ROBO1: variants seen among roughly 807,000 people sequenced by gnomAD.
The protein encoded by ROBO1 is roundabout guidance receptor 1.
ROBO1 carries 149 observed loss-of-function variants against 195.9 expected under a neutral mutation model. That is an observed-to-expected ratio of 0.76 (90% CI 0.67 to 0.87). The LOEUF (loss-of-function observed/expected upper bound fraction) is 0.87, where lower values mean the gene tolerates loss of function less well. Ranked by LOEUF, ROBO1 falls within the 40% of genes least tolerant of loss-of-function variation. ROBO1 has a pLI of 0.00. For synonymous variants in ROBO1, 816 were observed against 733.2 expected (o/e 1.11, Z -1.82); for missense variants, 1,933 against 2,068.3 (o/e 0.93, Z 1.27).
At chr3:79,213,139 G>C (rs115481071) in intron 2 of ROBO1, among the ~76,000 whole-genome samples, 2,344 of 152,060 alleles carry the variant, frequency 0.015, 53 homozygotes, top group African/African-American at 0.054. Context: ...AGCTACACTG[G>C]AGGCTGAGGC....
At chr3:78,963,019 GT>G in intron 3 of ROBO1, among the ~76,000 whole-genome samples, 1 of 151,662 alleles carries the variant, frequency 6.6e-6, no homozygotes, top group Non-Finnish European at 1.5e-5. Context: ...CAGGCACTCG[GT>G]GTTGAGCATG....
intron 5 of ROBO1, among the ~76,000 whole-genome samples, chr3:78,725,687 T>C (rs952718071): frequency 1.3e-5 from 2 of 152,164 alleles, no homozygotes; most frequent in Non-Finnish European, 2.9e-5. Context: ...AGAAACAAAA[T>C]TTAACTTTGC....
intron 1 of ROBO1, among the ~76,000 whole-genome samples, chr3:79,761,749 C>T (rs1005907546): frequency 3.3e-5 from 5 of 152,122 alleles, no homozygotes; most frequent in Admixed American, 2.0e-4. Context: ...TTCTCTGAAG[C>T]ACGGTAATCT....
At chr3:78,843,869 T>C (rs898654490) in intron 4 of ROBO1, among the ~76,000 whole-genome samples, 3 of 152,092 alleles carry the variant, frequency 2.0e-5, no homozygotes, top group African/African-American at 7.2e-5. Context: ...TGAAATAAGC[T>C]GAACAAAAGT....
chr3:78,600,643 G>A (rs1703119105), intron 29 of ROBO1, among the ~76,000 whole-genome samples: 1 of 152,054 alleles, frequency 6.6e-6, no homozygotes, highest in African/African-American at 2.4e-5. Context: ...TTCACTATAT[G>A]ATCTCAGATT....
chr3:79,271,428 G>A (rs2030547998), intron 2 of ROBO1, among the ~76,000 whole-genome samples: 1 of 151,988 alleles, frequency 6.6e-6, no homozygotes, highest in Non-Finnish European at 1.5e-5. Flanking sequence ...ACTAGTGGTT[G>A]AAGCTCTTTG....
intron 2 of ROBO1, among the ~76,000 whole-genome samples, chr3:79,276,839 T>C (rs2031076269): frequency 1.3e-5 from 2 of 152,016 alleles, no homozygotes; most frequent in South Asian, 4.1e-4. Context: ...AAAGAAGACA[T>C]ACAAATGGCA....
At chr3:79,685,479 C>T (rs1307304598) in intron 1 of ROBO1, among the ~76,000 whole-genome samples, 1 of 152,164 alleles carries the variant, frequency 6.6e-6, no homozygotes, top group Non-Finnish European at 1.5e-5. Context: ...CAATGGCTAT[C>T]ACTGCCTAGG....
chr3:79,214,037 G>A (rs1399011387), intron 2 of ROBO1, among the ~76,000 whole-genome samples: 3 of 151,786 alleles, frequency 2.0e-5, no homozygotes, highest in Non-Finnish European at 2.9e-5. Flanking sequence ...TGTTGGCCTG[G>A]CTGGTCTCGA....
intron 3 of ROBO1, among the ~76,000 whole-genome samples, chr3:79,024,652 T>C (rs748595386): frequency 5.9e-5 from 9 of 152,168 alleles, no homozygotes; most frequent in Non-Finnish European, 8.8e-5. Flanking sequence ...CAGATGAGCA[T>C]TGTGAGTCCC....
chr3:79,643,828 G>C (rs956540478), intron 1 of ROBO1, among the ~76,000 whole-genome samples: 2 of 151,964 alleles, frequency 1.3e-5, no homozygotes, highest in African/African-American at 2.4e-5. Flanking sequence ...GAAGAGAGGA[G>C]GCATGCACAA....
intron 1 of ROBO1, among the ~76,000 whole-genome samples, chr3:79,651,106 C>T (rs1435211912): frequency 3.3e-5 from 5 of 151,728 alleles, no homozygotes; most frequent in Non-Finnish European, 7.4e-5. Context: ...TATTAAATAA[C>T]ATGCAAACAC....
At chr3:79,748,301 G>A (rs919441832) in intron 1 of ROBO1, among the ~76,000 whole-genome samples, 3 of 152,108 alleles carry the variant, frequency 2.0e-5, no homozygotes, top group Non-Finnish European at 4.4e-5. Context: ...ATGAACAAAA[G>A]GGACGCTTGT....
chr3:79,094,217 C>T (rs1339348009), intron 3 of ROBO1, among the ~76,000 whole-genome samples: 1 of 152,026 alleles, frequency 6.6e-6, no homozygotes, highest in Non-Finnish European at 1.5e-5. Flanking sequence ...TATGACCGAA[C>T]ATCTTCTGAT....
intron 2 of ROBO1, among the ~76,000 whole-genome samples, chr3:79,178,449 A>C (rs1423858358): frequency 2.0e-5 from 3 of 152,228 alleles, no homozygotes; most frequent in Non-Finnish European, 4.4e-5. Flanking sequence ...TTTGATTAAC[A>C]TGCTTATTTT....
chr3:79,360,845 ACT>A (rs1457572994), intron 2 of ROBO1, among the ~76,000 whole-genome samples: 1 of 151,840 alleles, frequency 6.6e-6, no homozygotes, highest in African/African-American at 2.4e-5. Context: ...CTTTAATCAA[ACT>A]CTCTGAGGAC....
At chr3:79,220,453 G>A (rs1156679834) in intron 2 of ROBO1, among the ~76,000 whole-genome samples, 1 of 152,002 alleles carries the variant, frequency 6.6e-6, no homozygotes, top group East Asian at 1.9e-4. Flanking sequence ...TTAAACAGCT[G>A]AAATATCCAT....
intron 2 of ROBO1, among the ~76,000 whole-genome samples, chr3:79,127,876 A>C (rs1183380174): frequency 1.3e-5 from 2 of 152,190 alleles, no homozygotes; most frequent in Admixed American, 1.3e-4. Context: ...TCTTTGCATT[A>C]ATCAATGAAT....
chr3:79,261,590 A>G (rs2082939271), intron 2 of ROBO1, among the ~76,000 whole-genome samples: 1 of 152,038 alleles, frequency 6.6e-6, no homozygotes, highest in African/African-American at 2.4e-5. Flanking sequence ...AAGAGCTTGC[A>G]TTAAATCTGT....
Sources: gnomAD v4.1 joint callset for allele counts (sites outside exome capture counted in the v4.1 genomes callset) on GRCh38, gnomAD v4.1.1 for gene constraint, MANE v1.5 for transcripts, NCBI Gene and HGNC (gene_info 2026-07-23, HGNC 2026-07-21) for gene names.